PDE2A: variants seen among roughly 807,000 people sequenced by gnomAD.
PDE2A encodes the protein cGMP-dependent 3',5'-cyclic phosphodiesterase.
A neutral mutation model predicts 133.6 loss-of-function variants in PDE2A; 53 were observed. The ratio of observed to expected loss-of-function variants is 0.40; its 90% CI spans 0.32 to 0.50. The LOEUF (loss-of-function observed/expected upper bound fraction) is 0.50, where lower values mean the gene tolerates loss of function less well. PDE2A is among the 20% of genes least tolerant of loss of function. The pLI, the probability that PDE2A is intolerant of heterozygous loss-of-function variation, is 0.73. For missense variants in PDE2A, 796 were observed against 1,232.4 expected (o/e 0.65, Z 5.30); for synonymous variants, 491 against 490.2 (o/e 1.00, Z -0.02).
chr11:72,611,477 C>T (rs1488390415), intron 2 of PDE2A, among the ~76,000 whole-genome samples: 2 of 152,194 alleles, frequency 1.3e-5, no homozygotes, highest in Non-Finnish European at 2.9e-5. Flanking sequence ...GGAATGCCCT[C>T]AACTGTCCTT....
chr11:72,641,195 C>T (rs898759563), intron 2 of PDE2A, among the ~76,000 whole-genome samples: 1 of 152,212 alleles, frequency 6.6e-6, no homozygotes, highest in Non-Finnish European at 1.5e-5. Context: ...GGATGAGGGG[C>T]TTTATAAGTT....
intron 2 of PDE2A, among the ~76,000 whole-genome samples, chr11:72,613,915 G>A (rs751453278): frequency 6.6e-6 from 1 of 152,080 alleles, no homozygotes; most frequent in African/African-American, 2.4e-5. Context: ...AGAACGTATC[G>A]ACCTCTGTGC....
rs1265903879 is a variant in PDE2A at position 72,597,292 on chromosome 11, A to G, written c.433+218T>C. 6.6e-6 allele frequency among the ~76,000 whole-genome samples: 1 copy of G among 152,170 alleles called. No individual in the cohort carries two copies. The highest frequency in any genetic ancestry group is 1.9e-4 in the East Asian group (1 of 5,190). On this transcript the variant is annotated intron_variant, in intron 5 of 30. Coordinates refer to ENST00000334456, the MANE Select transcript of PDE2A (RefSeq NM_002599.5). The surrounding 1 kb of genome is among the most constrained non-coding windows in gnomAD (Gnocchi z 4.6). ...CCTCCTTGAAACACCCCCTCAAGGT[A>G]AATACTATTGTCCCATTTTATAGTC...
intron 1 of PDE2A, among the ~76,000 whole-genome samples, chr11:72,658,687 A>T (rs1291892039): frequency 6.6e-6 from 1 of 152,004 alleles, no homozygotes; most frequent in Non-Finnish European, 1.5e-5. Flanking sequence ...TTTTTTTTGG[A>T]GCAGGAGAAT....
chr11:72,671,605 AG>A (rs1328584348), intron 1 of PDE2A, among the ~76,000 whole-genome samples: 1 of 151,368 alleles, frequency 6.6e-6, no homozygotes, highest in Non-Finnish European at 1.5e-5. Context: ...CTTGGTGGGC[AG>A]GGGGAATGAC....
intron 4 of PDE2A, chr11:72,598,437 TTC>T (rs957436491): frequency 1.8e-6 from 2 of 1,138,856 alleles, no homozygotes; most frequent in Non-Finnish European, 2.3e-6. Flanking sequence ...AAGAATGAGT[TTC>T]TCTCTGTCCC....
At chr11:72,657,714 G>A in intron 1 of PDE2A, 3 of 444,394 alleles carry the variant, frequency 6.8e-6, no homozygotes, top group South Asian at 3.2e-5. Context: ...CTGGACATAG[G>A]CGTCTTAGGA....
chr11:72,636,699 C>T (rs545224573), intron 2 of PDE2A, among the ~76,000 whole-genome samples: 1 of 152,256 alleles, frequency 6.6e-6, no homozygotes, highest in African/African-American at 2.4e-5. Context: ...CTGTCCAGCT[C>T]CCTCCACCAG....
intron 2 of PDE2A, among the ~76,000 whole-genome samples, chr11:72,614,839 G>A (rs2135379600): frequency 6.6e-6 from 1 of 152,238 alleles, no homozygotes; most frequent in East Asian, 1.9e-4. Context: ...GAGGCTGGGG[G>A]TGGAAGGACA....
intron 2 of PDE2A, among the ~76,000 whole-genome samples, chr11:72,635,085 T>C (rs574971968): frequency 6.6e-6 from 1 of 152,244 alleles, no homozygotes; most frequent in South Asian, 2.1e-4. Context: ...TAGTTACCCC[T>C]CTCTCTGCCC....
chr11:72,634,196 G>T (rs1018373488), intron 2 of PDE2A, among the ~76,000 whole-genome samples: 4 of 152,128 alleles, frequency 2.6e-5, no homozygotes, highest in African/African-American at 9.7e-5. Context: ...GCAGAGTCAC[G>T]ACAGGAGGGC....
intron 2 of PDE2A, chr11:72,631,230 C>T (rs562715844): frequency 5.6e-5 from 55 of 987,382 alleles, no homozygotes; most frequent in Middle Eastern, 5.4e-4. Context: ...AGCAAGCCCA[C>T]GGATGGCCCC....
intron 1 of PDE2A, among the ~76,000 whole-genome samples, chr11:72,662,449 G>C (rs997398148): frequency 6.6e-6 from 1 of 152,182 alleles, no homozygotes; most frequent in Non-Finnish European, 1.5e-5. Flanking sequence ...TCTTCAAAGG[G>C]AGTTCTTTTA....
At chr11:72,589,073 A>G (rs1856111064) in intron 12 of PDE2A, 102 bp downstream of exon 12, 1 of 1,249,624 alleles carries the variant, frequency 8.0e-7, no homozygotes, top group Admixed American at 1.9e-5. Context: ...CCCAGGTCTT[A>G]TCTGCCCCAT....
At chr11:72,581,248 G>T in intron 23 of PDE2A, 109 bp downstream of exon 23, 1 of 1,137,116 alleles carries the variant, frequency 8.8e-7, no homozygotes, top group Non-Finnish European at 1.3e-6. Context: ...GGGCTAAGAA[G>T]ATCCCATGAG....
At chr11:72,605,083 C>G in intron 4 of PDE2A, 55 bp downstream of exon 4, 5 of 1,154,598 alleles carry the variant, frequency 4.3e-6, no homozygotes, top group Non-Finnish European at 6.4e-6. Flanking sequence ...GGTGCCTCAG[C>G]CCTGAGAATC....
rs341036 is a variant in PDE2A at position 72,652,090 on chromosome 11, C to T, written c.72-9764G>A. ...AAAAGGAACCAGTGGGAGCCCCTCT[C>T]CTGGGACCAAGTGACAGGGCAGAAG... On this transcript the variant is annotated intron_variant, in intron 1 of 30. Coordinates refer to ENST00000334456, the MANE Select transcript of PDE2A (RefSeq NM_002599.5). Among the ~76,000 whole-genome samples, 1,339 of 152,312 alleles carry T rather than the reference C, an allele frequency of 8.8e-3. 24 individuals carry two copies. The highest frequency in any genetic ancestry group is 0.031 in the African/African-American group (1,276 of 41,556).
chr11:72,638,247 G>A (rs2135430403), intron 2 of PDE2A, among the ~76,000 whole-genome samples: 2 of 152,294 alleles, frequency 1.3e-5, no homozygotes, highest in South Asian at 4.1e-4. Flanking sequence ...TAAAAGAAGG[G>A]CCTGATGAGA....
At chr11:72,599,294 G>A (rs912250584) in intron 4 of PDE2A, among the ~76,000 whole-genome samples, 3 of 151,916 alleles carry the variant, frequency 2.0e-5, no homozygotes, top group Non-Finnish European at 4.4e-5. Flanking sequence ...ACGGCCTCAT[G>A]ACTCTCCAGC....
Sources: allele counts gnomAD v4.1 joint callset (sites outside exome capture counted in the v4.1 genomes callset), GRCh38; gene constraint gnomAD v4.1.1; non-coding constraint Gnocchi (gnomAD v3.1); transcripts MANE v1.5; gene names NCBI Gene and HGNC (gene_info 2026-07-23, HGNC 2026-07-21).